PDE4D: variants seen among roughly 807,000 people sequenced by gnomAD.
The protein encoded by PDE4D is phosphodiesterase 4D, also known as 3',5'-cyclic-AMP phosphodiesterase 4D.
Under a neutral mutation model 87.4 loss-of-function variants are expected in PDE4D, and 24 were observed. The observed-to-expected ratio is 0.27, with a 90% CI of 0.20 to 0.39. PDE4D has a LOEUF of 0.39. Ranked by LOEUF, PDE4D falls within the 10% of genes least tolerant of loss-of-function variation. The pLI is 1.00. For missense variants in PDE4D, 714 were observed against 1,041.0 expected (o/e 0.69, Z 4.32); for synonymous variants, 384 against 383.2 (o/e 1.00, Z -0.02).
intron 1 of PDE4D, among the ~76,000 whole-genome samples, chr5:59,545,804 AT>A (rs1033891997): frequency 1.3e-5 from 2 of 152,170 alleles, no homozygotes; most frequent in Admixed American, 1.3e-4. Context: ...AGCATCAGTC[AT>A]TTAAAAATAC....
chr5:59,291,397 T>G (rs918907234), intron 1 of PDE4D, among the ~76,000 whole-genome samples: 1 of 151,700 alleles, frequency 6.6e-6, no homozygotes, highest in African/African-American at 2.4e-5. Context: ...ACGAAGGAGA[T>G]AGAGAGCAGA....
chr5:60,011,056 C>T (rs1349544169), intron 2 of PDE4D, among the ~76,000 whole-genome samples: 1 of 152,134 alleles, frequency 6.6e-6, no homozygotes, highest in Non-Finnish European at 1.5e-5. Flanking sequence ...CTAATAAAGA[C>T]AAGATTGTAA....
chr5:59,752,313 G>T (rs1467471358), intron 1 of PDE4D, among the ~76,000 whole-genome samples: 1 of 152,070 alleles, frequency 6.6e-6, no homozygotes, highest in African/African-American at 2.4e-5. Flanking sequence ...AGGTCTTTTT[G>T]TTAAATATAT....
chr5:59,710,114 C>T (rs1753995202), intron 1 of PDE4D, among the ~76,000 whole-genome samples: 1 of 152,144 alleles, frequency 6.6e-6, no homozygotes, highest in African/African-American at 2.4e-5. Context: ...AACAATTATA[C>T]AACGAACCAG....
intron 1 of PDE4D, among the ~76,000 whole-genome samples, chr5:59,481,178 G>A (rs1392098656): frequency 6.6e-6 from 1 of 152,016 alleles, no homozygotes; most frequent in East Asian, 1.9e-4. Context: ...TTTAAAAGAG[G>A]TCAAAGGGAG....
intron 5 of PDE4D, among the ~76,000 whole-genome samples, chr5:59,162,781 G>A (rs1781311039): frequency 6.6e-6 from 1 of 150,390 alleles, no homozygotes; most frequent in Non-Finnish European, 1.5e-5. Context: ...CTTGAGCCCA[G>A]GAGGTCGAGG....
At chr5:59,357,088 C>A in intron 1 of PDE4D, 1 of 399,220 alleles carries the variant, frequency 2.5e-6, no homozygotes, top group Non-Finnish European at 4.4e-6. Context: ...TTCACTCAGG[C>A]CTTATCTCAT....
intron 1 of PDE4D, among the ~76,000 whole-genome samples, chr5:59,647,635 T>C (rs1742700798): frequency 6.6e-6 from 1 of 152,150 alleles, no homozygotes; most frequent in Non-Finnish European, 1.5e-5. Flanking sequence ...TGAAGAAGGA[T>C]GGAAGCTGAA....
At chr5:59,452,695 C>A (rs917297946) in intron 1 of PDE4D, among the ~76,000 whole-genome samples, 4 of 152,154 alleles carry the variant, frequency 2.6e-5, no homozygotes, top group African/African-American at 9.7e-5. Flanking sequence ...GAGACCACAG[C>A]CTTCAGAGCG....
intron 6 of PDE4D, chr5:58,999,750 C>T: frequency 1.9e-6 from 2 of 1,042,718 alleles, no homozygotes; most frequent in Non-Finnish European, 2.3e-6. Flanking sequence ...TTGTAAGACT[C>T]CAGAATGGCA....
At chr5:60,063,137 AGAAAGAAAGAAAGAAAGAAG>A (rs1562044521) in intron 2 of PDE4D, among the ~76,000 whole-genome samples, 8 of 150,634 alleles carry the variant, frequency 5.3e-5, no homozygotes, top group African/African-American at 2.0e-4. Flanking sequence ...AAAGAAAGAA[AGAAAGAAAGAAAGAAAGAAG>A]GAAAGAAAGA....
intron 1 of PDE4D, among the ~76,000 whole-genome samples, chr5:60,278,280 A>G (rs1751566853): frequency 6.6e-6 from 1 of 152,126 alleles, no homozygotes; most frequent in South Asian, 2.1e-4. Context: ...ATCTACTGCC[A>G]TTTCATTGAT....
At chr5:59,646,384 C>T (rs958240747) in intron 1 of PDE4D, among the ~76,000 whole-genome samples, 5 of 152,198 alleles carry the variant, frequency 3.3e-5, no homozygotes, top group South Asian at 2.1e-4. Context: ...TTGTGATATT[C>T]AGCATTTTAA....
intron 1 of PDE4D, among the ~76,000 whole-genome samples, chr5:59,861,814 G>A (rs1746327612): frequency 6.6e-6 from 1 of 152,150 alleles, no homozygotes; most frequent in Admixed American, 6.5e-5. Flanking sequence ...TGGATATGGA[G>A]CCCCAAATCT....
chr5:59,890,887 T>C (rs939458189), intron 1 of PDE4D, among the ~76,000 whole-genome samples: 2 of 152,258 alleles, frequency 1.3e-5, no homozygotes, highest in Non-Finnish European at 2.9e-5. Context: ...GTTGCTGTTC[T>C]CTTTAAAATA....
chr5:59,642,167 G>A lies in PDE4D; in HGVS notation c.455+251001C>T, dbSNP rs190444546. On this transcript the variant is annotated intron_variant, in intron 1 of 14. Coordinates refer to ENST00000340635, the MANE Select transcript of PDE4D (RefSeq NM_001104631.2). Reference sequence around the variant, plus strand: ...AAATAATCCACTGTGTTTTTCAGGTGTAGGAAGAACTCTGGAAAAAACTAT... The same window carrying A: ...AAATAATCCACTGTGTTTTTCAGGTATAGGAAGAACTCTGGAAAAAACTAT... 3.8e-4 allele frequency among the ~76,000 whole-genome samples: 58 copies of A among 152,112 alleles called. 1 individual carries two copies. Among genetic ancestry groups the A allele is most frequent in the Non-Finnish European group, 7.4e-5 (5 of 67,970 alleles).
chr5:59,208,098 C>T (rs1467826911), intron 2 of PDE4D, among the ~76,000 whole-genome samples: 1 of 151,970 alleles, frequency 6.6e-6, no homozygotes, highest in African/African-American at 2.4e-5. Flanking sequence ...ACCTGGGAGG[C>T]GGAGGATGCA....
At chr5:60,367,784 A>T (rs974821702) in intron 1 of PDE4D, among the ~76,000 whole-genome samples, 1 of 152,176 alleles carries the variant, frequency 6.6e-6, no homozygotes, top group Non-Finnish European at 1.5e-5. Flanking sequence ...TTCTGAGCCC[A>T]TCAGAAGGAC....
chr5:59,071,936 G>A (rs572649258), intron 5 of PDE4D, among the ~76,000 whole-genome samples: 16 of 152,078 alleles, frequency 1.1e-4, no homozygotes, highest in East Asian at 1.9e-4. Flanking sequence ...TAATCCCCCC[G>A]CCTTGGCCTC....
Sources: allele counts gnomAD v4.1 joint callset (sites outside exome capture counted in the v4.1 genomes callset), GRCh38; gene constraint gnomAD v4.1.1; transcripts MANE v1.5; gene names NCBI Gene and HGNC (gene_info 2026-07-23, HGNC 2026-07-21).